Variants in ARL15 observed in about 807,000 individuals in gnomAD.
ARL15 encodes the protein ARF like GTPase 15, also known as ADP-ribosylation factor-like protein 15.
In ARL15, 19 loss-of-function variants were observed where a neutral mutation model predicts 25.2. That is an observed-to-expected ratio of 0.75 (90% confidence interval 0.53 to 1.10). The LOEUF (loss-of-function observed/expected upper bound fraction) is 1.10, where lower values mean the gene tolerates loss of function less well. Among genes scored for constraint, ARL15 ranks in the 50% least tolerant of loss-of-function variants. The pLI is 0.00. For missense variants in ARL15, 220 were observed against 246.0 expected (o/e 0.89, Z 0.71); for synonymous variants, 94 against 86.8 (o/e 1.08, Z -0.46).
Position 54,239,076 on chromosome 5 carries a change from G to GT in ARL15, c.49-67149dup, listed in dbSNP as rs144234250. On this transcript the variant is annotated intron_variant, in intron 1 of 4. Transcript: ENST00000504924. Reference sequence around the variant, plus strand: ...GTCCTCTGACTCTACAATCAAAGGTGTTTGACTCCATCCCTCTAGCACCCT... The same window carrying GT: ...GTCCTCTGACTCTACAATCAAAGGTGTTTTGACTCCATCCCTCTAGCACCCT... 6.3e-3 allele frequency among the ~76,000 whole-genome samples: 953 copies of GT among 152,220 alleles called. 8 individuals are homozygous for GT. The highest frequency in any genetic ancestry group is 0.022 in the African/African-American group (916 of 41,524).
At chr5:53,991,642 G>A (rs929380245) in intron 4 of ARL15, among the ~76,000 whole-genome samples, 1 of 151,526 alleles carries the variant, frequency 6.6e-6, no homozygotes, top group African/African-American at 2.4e-5. Flanking sequence ...GAAGAACAGA[G>A]CAAGATCAGA....
chr5:54,240,659 G>C (rs1756935446), intron 1 of ARL15, among the ~76,000 whole-genome samples: 1 of 152,122 alleles, frequency 6.6e-6, no homozygotes, highest in Admixed American at 6.6e-5. Context: ...AAAAAACTGG[G>C]TGAACATGTG....
intron 1 of ARL15, among the ~76,000 whole-genome samples, chr5:54,184,685 T>G (rs1337266312): frequency 6.6e-6 from 1 of 151,404 alleles, no homozygotes; most frequent in Non-Finnish European, 1.5e-5. Flanking sequence ...GTGGAAATCC[T>G]ATTCTATTCT....
chr5:54,263,985 T>C (rs1757561357), intron 1 of ARL15, among the ~76,000 whole-genome samples: 1 of 152,124 alleles, frequency 6.6e-6, no homozygotes, highest in Non-Finnish European at 1.5e-5. Context: ...TTTTTACCTC[T>C]ACCAACTCCT....
chr5:53,993,416 T>G (rs1748570618), intron 4 of ARL15, among the ~76,000 whole-genome samples: 1 of 152,110 alleles, frequency 6.6e-6, no homozygotes, highest in South Asian at 2.1e-4. Flanking sequence ...AAGACCAGCC[T>G]GGGCAACATA....
chr5:53,961,293 T>A (rs1747358520), intron 4 of ARL15, among the ~76,000 whole-genome samples: 1 of 151,678 alleles, frequency 6.6e-6, no homozygotes, highest in Non-Finnish European at 1.5e-5. Flanking sequence ...AGGTCAGGAG[T>A]TCGAGATCAT....
intron 4 of ARL15, among the ~76,000 whole-genome samples, chr5:53,955,127 CCCTCCA>C (rs1057412223): frequency 6.7e-6 from 1 of 150,190 alleles, no homozygotes; most frequent in African/African-American, 2.5e-5. Context: ...AAGAACCTGC[CCCTCCA>C]CCTAAGGACT....
At chr5:54,281,689 T>C (rs997070879) in intron 1 of ARL15, among the ~76,000 whole-genome samples, 1 of 152,172 alleles carries the variant, frequency 6.6e-6, no homozygotes, top group Non-Finnish European at 1.5e-5. Context: ...GCCCTAGAGG[T>C]AATCACAATA....
chr5:54,286,772 T>TAAAAAAAAAAAAAA (rs1758190309), intron 1 of ARL15, among the ~76,000 whole-genome samples: 1 of 152,162 alleles, frequency 6.6e-6, no homozygotes, highest in East Asian at 1.9e-4. Context: ...TGAGTACCAC[T>TAAAAAAAAAAAAAA]TATCTTGGAG....
At chr5:54,058,215 G>A (rs559802904) in intron 4 of ARL15, among the ~76,000 whole-genome samples, 4 of 151,740 alleles carry the variant, frequency 2.6e-5, no homozygotes, top group African/African-American at 9.7e-5. Flanking sequence ...CATGTTGCCC[G>A]GGCTGGTCTC....
chr5:54,101,655 C>T lies in ARL15; in HGVS notation c.462+11547G>A, dbSNP rs572707866. Among the ~76,000 whole-genome samples the T allele has an allele frequency of 5.3e-5, 8 of 150,232 alleles. No homozygotes were observed. In the East Asian group the frequency reaches 1.5e-3, roughly 29 times the overall value. ...TTCTCTGGTAAAGAAAAAAAGATAG[C>T]TATAGTGCTCAAAAACATTTCCATT... On this transcript the variant is annotated intron_variant, in intron 4 of 4. Transcript: ENST00000504924.
intron 3 of ARL15, among the ~76,000 whole-genome samples, chr5:54,139,170 C>A (rs548445564): frequency 3.3e-5 from 5 of 152,084 alleles, no homozygotes; most frequent in Non-Finnish European, 7.4e-5. Context: ...TAGGTATCTA[C>A]CTAAAAGAAA....
intron 1 of ARL15, among the ~76,000 whole-genome samples, chr5:54,199,234 T>C (rs1007251183): frequency 2.6e-5 from 4 of 152,106 alleles, no homozygotes; most frequent in Non-Finnish European, 5.9e-5. Flanking sequence ...GACATAGGCA[T>C]GGGCAAGGAC....
chr5:53,953,558 AG>A (rs1415205629), intron 4 of ARL15, among the ~76,000 whole-genome samples: 1 of 152,164 alleles, frequency 6.6e-6, no homozygotes, highest in Non-Finnish European at 1.5e-5. Flanking sequence ...AGTTGTGATC[AG>A]TGCTACTGAT....
intron 4 of ARL15, among the ~76,000 whole-genome samples, chr5:54,026,899 C>T (rs965742448): frequency 7.9e-5 from 12 of 152,140 alleles, no homozygotes; most frequent in African/African-American, 2.2e-4. Flanking sequence ...GAATCTTCTT[C>T]TCTAGTTCCT....
At chr5:54,276,395 G>T (rs569292513) in intron 1 of ARL15, among the ~76,000 whole-genome samples, 1 of 152,284 alleles carries the variant, frequency 6.6e-6, no homozygotes, top group South Asian at 2.1e-4. Flanking sequence ...AGTATTTGCA[G>T]AGTGCAAGAC....
At position 53,898,785 on chromosome 5, in the gene ARL15, G is replaced by A. The variant is rs115658592; in HGVS notation, c.463-12072C>T. 2.5e-3 allele frequency among the ~76,000 whole-genome samples: 374 copies of A among 151,592 alleles called. 4 individuals are homozygous for A. Among genetic ancestry groups the A allele is most frequent in the African/African-American group, 8.4e-3 (348 of 41,330 alleles). ...TTCCAACCTCAGCCTCCTGAGTAGC[G>A]AGGACCACAGGCGTGTACCACCATG... On this transcript the variant is annotated intron_variant, in intron 4 of 4. Transcript: ENST00000504924.
intron 4 of ARL15, among the ~76,000 whole-genome samples, chr5:54,075,262 T>C (rs1031819093): frequency 4.6e-5 from 7 of 152,148 alleles, no homozygotes; most frequent in African/African-American, 1.7e-4. Flanking sequence ...GAATCTGTTA[T>C]TGTCACTAGA....
At chr5:54,179,652 TTC>T (rs1456450247) in intron 1 of ARL15, among the ~76,000 whole-genome samples, 1 of 152,112 alleles carries the variant, frequency 6.6e-6, no homozygotes, top group Non-Finnish European at 1.5e-5. Flanking sequence ...TGCTGCTGGC[TTC>T]TCTCTTTCAC....
Sources: allele counts gnomAD v4.1 joint callset (sites outside exome capture counted in the v4.1 genomes callset), GRCh38; gene constraint gnomAD v4.1.1; transcripts MANE v1.5; gene names NCBI Gene and HGNC (gene_info 2026-07-23, HGNC 2026-07-21).